The following CDH18 variants were observed in gnomAD, a reference collection of about 807,000 sequenced individuals.
The protein encoded by CDH18 is cadherin-18.
In CDH18, 31 loss-of-function variants were observed where a neutral mutation model predicts 67.9. The ratio of observed to expected loss-of-function variants is 0.46; its 90% CI spans 0.34 to 0.62. The LOEUF (loss-of-function observed/expected upper bound fraction) is 0.62. CDH18 is among the 20% of genes least tolerant of loss of function. The pLI, the probability that CDH18 is intolerant of heterozygous loss-of-function variation, is 0.01. For synonymous variants in CDH18, 362 were observed against 347.2 expected (o/e 1.04, Z -0.48); for missense variants, 890 against 975.5 (o/e 0.91, Z 1.17).
chr5:20,142,250 A>C (rs1294952125), intron 2 of CDH18, among the ~76,000 whole-genome samples: 1 of 152,130 alleles, frequency 6.6e-6, no homozygotes, highest in African/African-American at 2.4e-5. Context: ...TAGTTAGCTA[A>C]TTCCATCTCA....
intron 3 of CDH18, among the ~76,000 whole-genome samples, chr5:19,750,533 C>T (rs953716515): frequency 2.6e-5 from 4 of 151,980 alleles, no homozygotes; most frequent in Non-Finnish European, 4.4e-5. Flanking sequence ...TATGTCATCT[C>T]TGAGTGGGGT....
At chr5:19,599,252 G>A (rs1266407604) in intron 6 of CDH18, among the ~76,000 whole-genome samples, 1 of 151,918 alleles carries the variant, frequency 6.6e-6, no homozygotes, top group Non-Finnish European at 1.5e-5. Context: ...TAATCTAAAA[G>A]ACATGGATCA....
At chr5:20,108,154 C>T (rs1286707842) in intron 2 of CDH18, among the ~76,000 whole-genome samples, 1 of 152,088 alleles carries the variant, frequency 6.6e-6, no homozygotes, top group African/African-American at 2.4e-5. Flanking sequence ...AATCTCAGCT[C>T]ACTGCAACCT....
At chr5:20,417,580 G>A (rs1244692814) in intron 1 of CDH18, among the ~76,000 whole-genome samples, 1 of 152,152 alleles carries the variant, frequency 6.6e-6, no homozygotes, top group Non-Finnish European at 1.5e-5. Context: ...GTAATCAGAG[G>A]AAGGGATTCC....
intron 1 of CDH18, among the ~76,000 whole-genome samples, chr5:20,456,484 T>A (rs999310328): frequency 6.6e-6 from 1 of 152,144 alleles, no homozygotes; most frequent in Non-Finnish European, 1.5e-5. Flanking sequence ...AATATGCTGT[T>A]TTATTTTGCT....
At chr5:20,443,213 A>AAAAAAAAAAAT in intron 1 of CDH18, among the ~76,000 whole-genome samples, 1 of 137,814 alleles carries the variant, frequency 7.3e-6, no homozygotes, top group Non-Finnish European at 1.5e-5. Context: ...CCGTCACAAA[A>AAAAAAAAAAAT]AAAAAAAAAA....
intron 9 of CDH18, among the ~76,000 whole-genome samples, chr5:19,533,751 T>A (rs1313928450): frequency 6.6e-6 from 1 of 152,052 alleles, no homozygotes; most frequent in Non-Finnish European, 1.5e-5. Flanking sequence ...AAAAAAGCCA[T>A]ATTTACAGAT....
At chr5:20,560,510 C>CACACACACAA (rs1242868022) in intron 1 of CDH18, among the ~76,000 whole-genome samples, 2 of 150,506 alleles carry the variant, frequency 1.3e-5, no homozygotes. Flanking sequence ...CACACACACA[C>CACACACACAA]ACCCCTACAT....
At chr5:19,662,100 T>C (rs530385773) in intron 5 of CDH18, among the ~76,000 whole-genome samples, 1 of 151,758 alleles carries the variant, frequency 6.6e-6, no homozygotes, top group African/African-American at 2.4e-5. Flanking sequence ...CCATGTGGCT[T>C]ACCTTTTTCA....
chr5:20,320,567 C>T (rs540080813), intron 1 of CDH18, among the ~76,000 whole-genome samples: 14 of 152,302 alleles, frequency 9.2e-5, no homozygotes, highest in African/African-American at 3.4e-4. Flanking sequence ...AAAATAGCTT[C>T]AATGAGGTAA....
At chr5:19,498,642 T>G (rs1035910634) in intron 11 of CDH18, among the ~76,000 whole-genome samples, 1 of 152,164 alleles carries the variant, frequency 6.6e-6, no homozygotes, top group Non-Finnish European at 1.5e-5. Context: ...GAGATTGACT[T>G]CTCACAGCCT....
intron 2 of CDH18, among the ~76,000 whole-genome samples, chr5:20,234,555 A>G (rs1187557366): frequency 6.6e-6 from 1 of 152,130 alleles, no homozygotes; most frequent in African/African-American, 2.4e-5. Context: ...ACCAGAAAGC[A>G]GGCCCTGAGC....
intron 2 of CDH18, among the ~76,000 whole-genome samples, chr5:19,915,249 C>T (rs1420864313): frequency 6.6e-5 from 10 of 152,104 alleles, no homozygotes; most frequent in Admixed American, 2.6e-4. Flanking sequence ...TCTCAGTTGT[C>T]TTTCTTTTCT....
intron 4 of CDH18, among the ~76,000 whole-genome samples, chr5:19,735,643 C>A (rs1347882066): frequency 6.6e-6 from 1 of 151,528 alleles, no homozygotes; most frequent in African/African-American, 2.4e-5. Context: ...GATCCTCCCG[C>A]CTCGGCCTCC....
At chr5:19,624,443 T>G (rs892172847) in intron 5 of CDH18, among the ~76,000 whole-genome samples, 2 of 152,216 alleles carry the variant, frequency 1.3e-5, no homozygotes, top group African/African-American at 4.8e-5. Flanking sequence ...TTATGTCACA[T>G]GTAGCAAATA....
At chr5:19,822,520 G>GAGAAATTT (rs1209490202) in intron 3 of CDH18, among the ~76,000 whole-genome samples, 1 of 152,166 alleles carries the variant, frequency 6.6e-6, no homozygotes, top group African/African-American at 2.4e-5. Flanking sequence ...GTAAAAAAGA[G>GAGAAATTT]AGAAATTTTA....
chr5:20,226,123 T>G (rs1014505303), intron 2 of CDH18, among the ~76,000 whole-genome samples: 1 of 152,006 alleles, frequency 6.6e-6, no homozygotes, highest in Non-Finnish European at 1.5e-5. Flanking sequence ...TTTTAAAAAG[T>G]AAAGTAAAAG....
chr5:20,123,174 A>G (rs1294918918), intron 2 of CDH18, among the ~76,000 whole-genome samples: 1 of 152,148 alleles, frequency 6.6e-6, no homozygotes, highest in African/African-American at 2.4e-5. Flanking sequence ...GTCATAAACT[A>G]GGGAAATATA....
At chr5:20,206,139 A>T (rs1337538129) in intron 2 of CDH18, among the ~76,000 whole-genome samples, 1 of 151,908 alleles carries the variant, frequency 6.6e-6, no homozygotes, top group Non-Finnish European at 1.5e-5. Flanking sequence ...ATAAAACCAG[A>T]AATGAAAAAT....
Sources: allele counts gnomAD v4.1 joint callset (sites outside exome capture counted in the v4.1 genomes callset), GRCh38; gene constraint gnomAD v4.1.1; transcripts MANE v1.5; gene names NCBI Gene and HGNC (gene_info 2026-07-23, HGNC 2026-07-21).